SMURF2: variants seen among roughly 807,000 people sequenced by gnomAD.
SMURF2 encodes SMAD specific E3 ubiquitin protein ligase 2.
In SMURF2, 48 loss-of-function variants were observed where a neutral mutation model predicts 109.6. The ratio of observed to expected loss-of-function variants is 0.44; its 90% CI spans 0.35 to 0.56. SMURF2 has a LOEUF of 0.56. SMURF2 is among the 20% of genes least tolerant of loss of function. SMURF2 has a pLI of 0.01. For synonymous variants in SMURF2, 288 were observed against 317.1 expected (o/e 0.91, Z 0.97); for missense variants, 575 against 909.0 (o/e 0.63, Z 4.72).
intron 1 of SMURF2, among the ~76,000 whole-genome samples, chr17:64,639,075 T>C (rs1970459432): frequency 6.6e-6 from 1 of 152,222 alleles, no homozygotes; most frequent in Non-Finnish European, 1.5e-5. Flanking sequence ...TCTTCAAAGA[T>C]ATGTGACCAC....
chr17:64,652,302 A>T (rs1970650821), intron 1 of SMURF2, among the ~76,000 whole-genome samples: 1 of 152,212 alleles, frequency 6.6e-6, no homozygotes. Flanking sequence ...TGAACAAATT[A>T]AACAGCCGCT....
chr17:64,607,034 A>T (rs1437655549), intron 1 of SMURF2, among the ~76,000 whole-genome samples: 1 of 151,864 alleles, frequency 6.6e-6, no homozygotes, highest in Non-Finnish European at 1.5e-5. Context: ...GATCACAAAT[A>T]AAGATAAAGC....
In SMURF2 at chr17:64,546,490, C is replaced by T. The variant is rs561814668; in HGVS notation, c.2072-152G>A. 1.3e-4 allele frequency: 80 copies of T among 613,700 alleles called. 1 individual carries two copies. In the South Asian group the frequency reaches 1.8e-3, roughly 14 times the overall value. 38.0% of individuals were successfully genotyped at this position (613,700 alleles called of 1,614,324 possible). On this transcript the variant is annotated intron_variant, in intron 17 of 18. Coordinates refer to ENST00000262435, the MANE Select transcript of SMURF2 (RefSeq NM_022739.4). Reference sequence around the variant, plus strand: ...TACTACCAAAGGGCAGCAGGAAAAGCATCTGGGTTTTAAGAGCCAGAATTA... The same window carrying T: ...TACTACCAAAGGGCAGCAGGAAAAGTATCTGGGTTTTAAGAGCCAGAATTA...
chr17:64,656,554 C>T (rs946562408), intron 1 of SMURF2, among the ~76,000 whole-genome samples: 1 of 151,918 alleles, frequency 6.6e-6, no homozygotes, highest in Non-Finnish European at 1.5e-5. Context: ...TAAATAGGTC[C>T]AACTCTTGTA....
chr17:64,645,478 A>G (rs566194293), intron 1 of SMURF2, among the ~76,000 whole-genome samples: 5 of 152,196 alleles, frequency 3.3e-5, no homozygotes, highest in African/African-American at 1.2e-4. Context: ...GGTTGAGCCC[A>G]TGAGTTTAAG....
At chr17:64,571,706 A>G in intron 10 of SMURF2, 92 bp downstream of exon 10, 1 of 1,309,236 alleles carries the variant, frequency 7.6e-7, no homozygotes, top group Non-Finnish European at 1.0e-6. Context: ...GGCGTGAGCC[A>G]CTGTATCGAG....
chr17:64,596,594 A>AAAC (rs1555688120), intron 3 of SMURF2, among the ~76,000 whole-genome samples: 1 of 149,658 alleles, frequency 6.7e-6, no homozygotes, highest in Non-Finnish European at 1.5e-5. Flanking sequence ...ACAAAAAAAA[A>AAAC]AAAAAAAAAA....
intron 2 of SMURF2, among the ~76,000 whole-genome samples, chr17:64,605,372 C>T (rs1292163239): frequency 6.6e-6 from 1 of 152,108 alleles, no homozygotes; most frequent in Non-Finnish European, 1.5e-5. Flanking sequence ...AATTCAGGTT[C>T]TGCTCTACAA....
chr17:64,638,209 G>A (rs376408693), intron 1 of SMURF2, among the ~76,000 whole-genome samples: 2 of 152,060 alleles, frequency 1.3e-5, no homozygotes, highest in South Asian at 2.1e-4. Context: ...AGGATTACAG[G>A]CATGTGCCAC....
chr17:64,624,624 C>T (rs1190710024), intron 1 of SMURF2, among the ~76,000 whole-genome samples: 2 of 152,004 alleles, frequency 1.3e-5, no homozygotes, highest in African/African-American at 2.4e-5. Context: ...GAGTTCAAGA[C>T]CAGCCTGGGC....
At chr17:64,626,049 G>A (rs918875870) in intron 1 of SMURF2, among the ~76,000 whole-genome samples, 6 of 151,928 alleles carry the variant, frequency 3.9e-5, no homozygotes, top group South Asian at 4.2e-4. Flanking sequence ...CGAGGCAGGC[G>A]GATCACTTGA....
intron 1 of SMURF2, among the ~76,000 whole-genome samples, chr17:64,631,271 AGGGGGG>A (rs528711403): frequency 1.7e-4 from 1 of 5,888 alleles, no homozygotes; most frequent in African/African-American, 8.7e-4. Context: ...GGGGGGAGAG[AGGGGGG>A]GGGGGAGAGA....
chr17:64,575,766 G>A (rs1394809328), intron 9 of SMURF2, among the ~76,000 whole-genome samples: 4 of 151,956 alleles, frequency 2.6e-5, no homozygotes, highest in Admixed American at 6.6e-5. Flanking sequence ...GAGGGGCGCT[G>A]CTGTGCTTAA....
intron 3 of SMURF2, among the ~76,000 whole-genome samples, chr17:64,594,913 C>G (rs1460463332): frequency 6.6e-6 from 1 of 152,170 alleles, no homozygotes; most frequent in East Asian, 1.9e-4. Flanking sequence ...TCACTTGAAC[C>G]CGGGAGGCGG....
rs1970009754 is a variant in SMURF2 at position 64,609,106 on chromosome 17, TC to T, written c.53-2467del. Among the ~76,000 whole-genome samples, 3 of 152,162 alleles carry T rather than the reference TC, an allele frequency of 2.0e-5. No individual in the cohort carries two copies. In the East Asian group the frequency reaches 5.8e-4, roughly 29 times the overall value. Reference sequence around the variant, plus strand: ...TTCAAAGAGAACTACAAACCACTGCTCAACGAAATAAGAGAGGACACAAATA... The same window carrying T: ...TTCAAAGAGAACTACAAACCACTGCTAACGAAATAAGAGAGGACACAAATA... On this transcript the variant is annotated intron_variant, in intron 1 of 18. Coordinates refer to ENST00000262435, the MANE Select transcript of SMURF2 (RefSeq NM_022739.4).
chr17:64,611,974 C>G (rs184942334), intron 1 of SMURF2, among the ~76,000 whole-genome samples: 1 of 152,156 alleles, frequency 6.6e-6, no homozygotes, highest in Non-Finnish European at 1.5e-5. Flanking sequence ...CCACAGCCTT[C>G]ACGTGCCATT....
chr17:64,558,532 ACATTTCATTATT>A (rs1203104118), intron 12 of SMURF2, among the ~76,000 whole-genome samples: 2 of 152,216 alleles, frequency 1.3e-5, no homozygotes, highest in Non-Finnish European at 2.9e-5. Flanking sequence ...AGTATTAAGG[ACATTTCATTATT>A]CATTTCATTA....
At chr17:64,606,069 C>A (rs1238067652) in intron 2 of SMURF2, among the ~76,000 whole-genome samples, 3 of 151,562 alleles carry the variant, frequency 2.0e-5, no homozygotes, top group African/African-American at 7.3e-5. Context: ...AAAAAAATTA[C>A]AACAGATTGG....
At chr17:64,578,152 G>A (rs1969524304) in intron 9 of SMURF2, among the ~76,000 whole-genome samples, 1 of 151,766 alleles carries the variant, frequency 6.6e-6, no homozygotes, top group South Asian at 2.1e-4. Flanking sequence ...CACCATGTTG[G>A]CCAGGATGGT....
Sources: gnomAD v4.1 joint callset for allele counts (sites outside exome capture counted in the v4.1 genomes callset) on GRCh38, gnomAD v4.1.1 for gene constraint, MANE v1.5 for transcripts, NCBI Gene and HGNC (gene_info 2026-07-23, HGNC 2026-07-21) for gene names.